The following TULP4 variants were observed in gnomAD, a reference collection of about 807,000 sequenced individuals.
The protein encoded by TULP4 is tubby-related protein 4.
In TULP4, 16 loss-of-function variants were observed where a neutral mutation model predicts 129.0. That is an observed-to-expected ratio of 0.12 (90% CI 0.08 to 0.19). The LOEUF (loss-of-function observed/expected upper bound fraction) is 0.19. TULP4 is among the 10% of genes least tolerant of loss of function. The probability of loss-of-function intolerance (pLI) is 1.00; values close to 1 mark genes in which losing one functional copy is unlikely to be tolerated. For missense variants in TULP4, 1,842 were observed against 2,059.1 expected (o/e 0.89, Z 2.04); for synonymous variants, 998 against 854.0 (o/e 1.17, Z -2.94).
chr6:158,392,379 A>G (rs1039349145), intron 1 of TULP4, among the ~76,000 whole-genome samples: 1 of 152,226 alleles, frequency 6.6e-6, no homozygotes, highest in African/African-American at 2.4e-5. Context: ...AAACCACATC[A>G]TGAAGTAACA....
chr6:158,485,260 G>C (rs948920497), intron 8 of TULP4, among the ~76,000 whole-genome samples: 2 of 152,212 alleles, frequency 1.3e-5, no homozygotes, highest in Admixed American at 1.3e-4. Context: ...AATGCAAAAG[G>C]AGAAAGATGA....
At chr6:158,276,564 G>A (rs1265003535) in intron 1 of TULP4, among the ~76,000 whole-genome samples, 1 of 151,864 alleles carries the variant, frequency 6.6e-6, no homozygotes, top group Non-Finnish European at 1.5e-5. Flanking sequence ...AGTTGACAAT[G>A]GAATGGTAAA....
intron 9 of TULP4, among the ~76,000 whole-genome samples, chr6:158,492,314 C>G (rs1298335119): frequency 1.3e-5 from 2 of 152,176 alleles, no homozygotes; most frequent in African/African-American, 4.8e-5. Flanking sequence ...CAGTTCTCTT[C>G]CAGCAGCTTT....
At chr6:158,242,095 T>G (rs905565236) in intron 1 of TULP4, 4 of 818,398 alleles carry the variant, frequency 4.9e-6, no homozygotes, top group Non-Finnish European at 8.7e-6. Context: ...TTGCAGAGCC[T>G]CCTCTGTTTG....
chr6:158,359,762 A>G (rs536441147), intron 1 of TULP4, among the ~76,000 whole-genome samples: 2 of 152,156 alleles, frequency 1.3e-5, no homozygotes, highest in Non-Finnish European at 2.9e-5. Context: ...TTGAATATTA[A>G]CCATCACACA....
At chr6:158,425,192 A>G (rs904365846) in intron 2 of TULP4, among the ~76,000 whole-genome samples, 3 of 145,804 alleles carry the variant, frequency 2.1e-5, no homozygotes, top group Non-Finnish European at 4.5e-5. Context: ...ACAATGTCAT[A>G]CACCTACTAG....
chr6:158,478,289 T>C (rs1039295642), intron 6 of TULP4, among the ~76,000 whole-genome samples: 4 of 152,248 alleles, frequency 2.6e-5, no homozygotes, highest in African/African-American at 7.2e-5. Context: ...ACTTGAGCTC[T>C]AAGTTATGAA....
At chr6:158,453,070 G>A (rs1779199329) in intron 5 of TULP4, among the ~76,000 whole-genome samples, 1 of 152,162 alleles carries the variant, frequency 6.6e-6, no homozygotes, top group South Asian at 2.1e-4. Context: ...AGGAACTTTG[G>A]TGTAACTCGC....
chr6:158,305,627 C>T (rs1295571666), intron 1 of TULP4, among the ~76,000 whole-genome samples: 1 of 151,366 alleles, frequency 6.6e-6, no homozygotes, highest in Admixed American at 6.6e-5. Flanking sequence ...ATAGCTTGAG[C>T]CTAGGAGTTC....
At position 158,260,474 on chromosome 6, in the gene TULP4, G is replaced by T. The variant is rs546438201; in HGVS notation, n.68+28171G>T. Among the ~76,000 whole-genome samples the T allele has an allele frequency of 8.6e-5, 13 of 152,000 alleles. 1 individual carries two copies. The South Asian group carries it at 2.1e-3, about 24-fold the overall frequency. Reference sequence around the variant, plus strand: ...GCCTGTAGTCCCAGCTACTCGGGAGGCTGAGGCAGGAGAGTGGCATGAACC... The same window carrying T: ...GCCTGTAGTCCCAGCTACTCGGGAGTCTGAGGCAGGAGAGTGGCATGAACC... On this transcript the variant is annotated intron_variant and non_coding_transcript_variant, in intron 1 of 1. Transcript: ENST00000620026.
upstream of TULP4, among the ~76,000 whole-genome samples, chr6:158,307,831 T>A (rs1779243891): frequency 2.0e-5 from 3 of 152,054 alleles, no homozygotes; most frequent in South Asian, 6.2e-4. Context: ...ACCAAGTATG[T>A]GAGTCTTCCA....
chr6:158,358,629 G>A (rs1780700424), intron 1 of TULP4, among the ~76,000 whole-genome samples: 1 of 152,118 alleles, frequency 6.6e-6, no homozygotes, highest in Admixed American at 6.6e-5. Context: ...TTTAGCATTG[G>A]TATAAAAAGA....
At chr6:158,288,756 T>A (rs1778874951) in intron 1 of TULP4, among the ~76,000 whole-genome samples, 1 of 152,206 alleles carries the variant, frequency 6.6e-6, no homozygotes, top group African/African-American at 2.4e-5. Context: ...CTCCTCGACC[T>A]CCCAAAGTGC....
intron 1 of TULP4, among the ~76,000 whole-genome samples, chr6:158,405,044 CAAGGT>C (rs1198460560): frequency 6.6e-6 from 1 of 152,018 alleles, no homozygotes; most frequent in African/African-American, 2.4e-5. Context: ...TTACCTGAAA[CAAGGT>C]AATAGTCATG....
chr6:158,245,196 T>TG (rs1267324814), intron 1 of TULP4, among the ~76,000 whole-genome samples: 1 of 151,288 alleles, frequency 6.6e-6, no homozygotes, highest in East Asian at 1.9e-4. Context: ...AGCCTCACTA[T>TG]GTTGCCCAGG....
chr6:158,382,228 G>A lies in TULP4; in HGVS notation c.253-30837G>A, dbSNP rs1307422890. 4.6e-5 allele frequency among the ~76,000 whole-genome samples: 7 copies of A among 152,260 alleles called. No homozygotes were observed. The South Asian group carries it at 1.2e-3, about 27-fold the overall frequency. On this transcript the variant is annotated intron_variant, in intron 1 of 13. Transcript: ENST00000367097. ...GACTGACCGACTGCTCTGCGATTGGGAAAAACTGATCTGTGTCTGTATCTG... is the reference window on the plus strand; with the variant it reads ...GACTGACCGACTGCTCTGCGATTGGAAAAAACTGATCTGTGTCTGTATCTG...
At position 158,313,793 on chromosome 6, in the gene TULP4, C is replaced by T. The variant is rs1286386234; in HGVS notation, c.-224C>T. On this transcript the variant is annotated 5_prime_UTR_variant, in exon 1 of 14. Coordinates refer to ENST00000367097, the MANE Select transcript of TULP4 (RefSeq NM_020245.5). ...CATGTTTTTTTAAGCATTACCTTTT[C>T]TTAGAAGACTGCCATCATCTTTTAT... The T allele has an allele frequency of 4.6e-5, 25 of 542,148 alleles. No homozygotes were observed. Among genetic ancestry groups the T allele is most frequent in the Non-Finnish European group, 7.4e-5 (23 of 312,210 alleles). The allele number at this position is 542,148 out of a possible 1,614,324, so 33.6% of individuals were successfully genotyped here.
At chr6:158,475,836 G>C (rs973466174) in intron 6 of TULP4, among the ~76,000 whole-genome samples, 20 of 152,234 alleles carry the variant, frequency 1.3e-4, no homozygotes, top group Admixed American at 2.6e-4. Context: ...CAAAACTACA[G>C]AACATTTGTA....
chr6:158,392,794 C>CTTTCTTTTT (rs1554286994), intron 1 of TULP4, among the ~76,000 whole-genome samples: 1 of 54,642 alleles, frequency 1.8e-5, no homozygotes, highest in Non-Finnish European at 3.0e-5. Context: ...ATTTGTATTT[C>CTTTCTTTTT]TTTTTTTTTT....
Sources: gnomAD v4.1 joint callset for allele counts (sites outside exome capture counted in the v4.1 genomes callset) on GRCh38, gnomAD v4.1.1 for gene constraint, MANE v1.5 for transcripts, NCBI Gene and HGNC (gene_info 2026-07-23, HGNC 2026-07-21) for gene names.